Variants in ACER3 observed in about 807,000 individuals in gnomAD.
The protein encoded by ACER3 is alkCDase 3.
A neutral mutation model predicts 48.9 loss-of-function variants in ACER3; 16 were observed. That is an observed-to-expected ratio of 0.33 (90% CI 0.22 to 0.50). The LOEUF (loss-of-function observed/expected upper bound fraction) is 0.50, where lower values mean the gene tolerates loss of function less well. Ranked by LOEUF, ACER3 falls within the 20% of genes least tolerant of loss-of-function variation. ACER3 has a pLI of 0.98. For synonymous variants in ACER3, 109 were observed against 107.8 expected, an observed-to-expected ratio of 1.01 and a Z score of -0.07; for missense variants, 227 against 326.0, an observed-to-expected ratio of 0.70 and a Z score of 2.34.
intron 1 of ACER3, among the ~76,000 whole-genome samples, chr11:76,861,887 CT>C (rs2134475263): frequency 6.6e-6 from 1 of 152,312 alleles, no homozygotes. Context: ...AAGCATTCTT[CT>C]TTAGCGGCTG....
intron 1 of ACER3, among the ~76,000 whole-genome samples, chr11:76,904,018 G>A (rs1036099424): frequency 2.0e-5 from 3 of 151,944 alleles, no homozygotes; most frequent in Non-Finnish European, 2.9e-5. Flanking sequence ...ATGAAGTCTC[G>A]CTCTGTCACC....
chr11:77,006,278 C>G (rs998409758), intron 7 of ACER3, among the ~76,000 whole-genome samples: 4 of 151,778 alleles, frequency 2.6e-5, no homozygotes, highest in African/African-American at 9.7e-5. Flanking sequence ...CGTGAGCCAC[C>G]GCGCCTGGCT....
At chr11:77,011,450 T>A in intron 7 of ACER3, 1 of 878,776 alleles carries the variant, frequency 1.1e-6, no homozygotes, top group Non-Finnish European at 1.4e-6. Flanking sequence ...TTTCAGTACC[T>A]GGCCCACACT....
chr11:77,015,700 T>C (rs1219050907), intron 8 of ACER3, among the ~76,000 whole-genome samples: 1 of 152,090 alleles, frequency 6.6e-6, no homozygotes, highest in Non-Finnish European at 1.5e-5. Flanking sequence ...CTAACAATTT[T>C]GCATAAACAG....
At chr11:76,967,430 A>G (rs1948168607) in intron 3 of ACER3, among the ~76,000 whole-genome samples, 1 of 152,240 alleles carries the variant, frequency 6.6e-6, no homozygotes, top group African/African-American at 2.4e-5. Context: ...TCAATAGAAA[A>G]AGAGGGAATC....
intron 1 of ACER3, among the ~76,000 whole-genome samples, chr11:76,866,644 A>C (rs1177428790): frequency 6.6e-6 from 1 of 152,226 alleles, no homozygotes; most frequent in Non-Finnish European, 1.5e-5. Context: ...GGAACCCTGC[A>C]AAGTGAAGAC....
At position 76,942,833 on chromosome 11, in the gene ACER3, A is replaced by AT. The variant is rs532530773; in HGVS notation, c.215-16138dup. ...CTCCTAGACTTTGTTTTGTTGGGAG[A>AT]TTTTTTTTAAATCACTGATTCAATC... On this transcript the variant is annotated intron_variant, in intron 2 of 10. Transcript: ENST00000532485. 4.5e-3 allele frequency among the ~76,000 whole-genome samples: 681 copies of AT among 151,538 alleles called. 9 individuals carry two copies. The highest frequency in any genetic ancestry group is 0.016 in the African/African-American group (651 of 41,370).
Position 77,021,472 on chromosome 11 carries a change from A to G in ACER3, c.*1145A>G, listed in dbSNP as rs955816393. On this transcript the variant is annotated 3_prime_UTR_variant, in exon 11 of 11. Transcript: ENST00000532485. ...GGCAGCTAGTTCTAATTTGCATTTG[A>G]ATGTATAACAAATTGCATCACTTTT... 4 of 152,206 alleles carry G rather than the reference A, an allele frequency of 2.6e-5. No individual in the cohort carries two copies. The highest frequency in any genetic ancestry group is 9.6e-5 in the African/African-American group (4 of 41,462). 9.4% of individuals were successfully genotyped at this position (152,206 alleles called of 1,614,324 possible). A position where few individuals can be genotyped will look rare whatever the true frequency, so the allele number is the denominator to read the frequency against.
At chr11:76,957,539 G>T (rs1299008006) in intron 2 of ACER3, 1 of 436,988 alleles carries the variant, frequency 2.3e-6, no homozygotes, top group South Asian at 1.6e-5. Flanking sequence ...CATTTCCCAG[G>T]TTTACGCGAT....
rs753848905 is a variant in ACER3, at chr11:76,860,955, GGGCGGCGGC to G, written c.-11_-3del. 3.0e-5 allele frequency: 46 copies of G among 1,509,300 alleles called. No individual in the cohort carries two copies. The African/African-American group carries it at 4.1e-4, about 13-fold the overall frequency. The allele number at this position is 1,509,300 out of a possible 1,614,324, so 93.5% of individuals were successfully genotyped here. Reference sequence around the variant, plus strand: ...ACCCGGCACAGTGAGCGGAGCGCCTGGGCGGCGGCGGCGGCGGCGTGATGGCTCCGGCCG... The same window carrying G: ...ACCCGGCACAGTGAGCGGAGCGCCTGGGCGGCGGCGTGATGGCTCCGGCCG... On this transcript the variant is annotated 5_prime_UTR_variant, in exon 1 of 11. Coordinates refer to ENST00000532485, the MANE Select transcript of ACER3 (RefSeq NM_018367.7).
At chr11:77,011,592 A>G (rs1363996130) in intron 7 of ACER3, among the ~76,000 whole-genome samples, 1 of 152,202 alleles carries the variant, frequency 6.6e-6, no homozygotes, top group Non-Finnish European at 1.5e-5. Flanking sequence ...TTCTCTTGAG[A>G]ACCCTCATCA....
chr11:76,882,241 G>T (rs563898470), intron 1 of ACER3, among the ~76,000 whole-genome samples: 2 of 97,858 alleles, frequency 2.0e-5, no homozygotes, highest in African/African-American at 3.9e-5. Flanking sequence ...TCCTGACCTC[G>T]TAATCTGCCC....
At chr11:76,876,559 T>C (rs1192274811) in intron 1 of ACER3, among the ~76,000 whole-genome samples, 1 of 152,234 alleles carries the variant, frequency 6.6e-6, no homozygotes, top group African/African-American at 2.4e-5. Context: ...TCGTTTCTCA[T>C]AGGTAAATGC....
intron 6 of ACER3, among the ~76,000 whole-genome samples, chr11:76,994,807 G>A (rs1173254785): frequency 6.6e-6 from 1 of 152,160 alleles, no homozygotes; most frequent in East Asian, 1.9e-4. Flanking sequence ...CTAGCTATAG[G>A]AGATGGGTTT....
chr11:76,914,199 A>G (rs548831247), intron 1 of ACER3, among the ~76,000 whole-genome samples: 48 of 152,258 alleles, frequency 3.2e-4, no homozygotes, highest in African/African-American at 6.3e-4. Context: ...TTGACAAATG[A>G]GATCTAATTA....
chr11:76,978,900 C>T (rs1158791598), intron 4 of ACER3, among the ~76,000 whole-genome samples: 1 of 152,238 alleles, frequency 6.6e-6, no homozygotes, highest in African/African-American at 2.4e-5. Context: ...GAGCCAGTGC[C>T]TATGCTGGCT....
intron 10 of ACER3, 23 bp downstream of exon 10, chr11:77,019,799 G>A (rs782365374): frequency 1.2e-6 from 2 of 1,603,778 alleles, no homozygotes; most frequent in South Asian, 1.1e-5. Context: ...CCTAGGTCCT[G>A]TGTGTGTGTT....
intron 7 of ACER3, among the ~76,000 whole-genome samples, chr11:77,004,850 A>T (rs1368547211): frequency 1.3e-5 from 2 of 152,152 alleles, no homozygotes. Flanking sequence ...TAGTTGAATC[A>T]GTTTGAGTCA....
At chr11:76,868,023 G>T in intron 1 of ACER3, 1 of 1,009,282 alleles carries the variant, frequency 9.9e-7, no homozygotes, top group South Asian at 1.5e-5. Context: ...AGACAAAAGG[G>T]GCTTTAATCA....
Sources: allele counts gnomAD v4.1 joint callset (sites outside exome capture counted in the v4.1 genomes callset), GRCh38; gene constraint gnomAD v4.1.1; transcripts MANE v1.5; gene names NCBI Gene and HGNC (gene_info 2026-07-23, HGNC 2026-07-21).